MGAT4C: variants seen among roughly 807,000 people sequenced by gnomAD.
The protein encoded by MGAT4C is alpha-1,3-mannosyl-glycoprotein 4-beta-N-acetylglucosaminyltransferase C.
Under a neutral mutation model 40.1 loss-of-function variants are expected in MGAT4C, and 19 were observed. The ratio of observed to expected loss-of-function variants is 0.47; its 90% CI spans 0.33 to 0.70. MGAT4C has a LOEUF of 0.70. Among genes scored for constraint, MGAT4C ranks in the 30% least tolerant of loss-of-function variants. MGAT4C has a pLI of 0.02. For missense variants in MGAT4C, 491 were observed against 563.2 expected (o/e 0.87, Z 1.30); for synonymous variants, 181 against 187.1 (o/e 0.97, Z 0.27).
intron 1 of MGAT4C, among the ~76,000 whole-genome samples, chr12:86,774,345 C>CTTTTCTTTCTTTCTTTCTT (rs1951708548): frequency 2.0e-4 from 3 of 14,904 alleles, no homozygotes; most frequent in Admixed American, 7.1e-4. Context: ...CTTTCTGTCT[C>CTTTTCTTTCTTTCTTTCTT]TCTCTCTCCC....
At chr12:86,705,497 GATGGATCCCAGGTAAAGAAAAAAA>G (rs1258984483) in intron 2 of MGAT4C, among the ~76,000 whole-genome samples, 1 of 151,576 alleles carries the variant, frequency 6.6e-6, no homozygotes, top group Non-Finnish European at 1.5e-5. Flanking sequence ...TGGAGTTTAG[GATGGATCCCAGGTAAAGAAAAAAA>G]ATGGATCCCA....
upstream of MGAT4C, among the ~76,000 whole-genome samples, chr12:86,256,611 C>T (rs2136088936): frequency 6.6e-6 from 1 of 152,142 alleles, no homozygotes; most frequent in South Asian, 2.1e-4. Flanking sequence ...AAATACTGCC[C>T]TCTAATTATG....
intron 1 of MGAT4C, among the ~76,000 whole-genome samples, chr12:86,806,538 A>G (rs1019367614): frequency 6.6e-6 from 1 of 151,852 alleles, no homozygotes; most frequent in African/African-American, 2.4e-5. Flanking sequence ...CTCAAGATTT[A>G]CTGAACAGTT....
At chr12:85,984,760 C>T (rs1188867394) in intron 3 of MGAT4C, among the ~76,000 whole-genome samples, 1 of 151,482 alleles carries the variant, frequency 6.6e-6, no homozygotes, top group African/African-American at 2.4e-5. Flanking sequence ...GTGCACTCTA[C>T]TATGTGGTTT....
chr12:86,035,912 C>G (rs886929610), intron 2 of MGAT4C, among the ~76,000 whole-genome samples: 7 of 149,718 alleles, frequency 4.7e-5, no homozygotes, highest in Admixed American at 4.0e-4. Flanking sequence ...TTTCTAAGGC[C>G]TCTGTTCTCT....
At chr12:86,361,803 T>G (rs564841374) in intron 3 of MGAT4C, among the ~76,000 whole-genome samples, 1 of 152,288 alleles carries the variant, frequency 6.6e-6, no homozygotes, top group Admixed American at 6.5e-5. Context: ...CTCACACCAG[T>G]TAGAATGGCG....
At chr12:86,173,987 A>G (rs1887125064) in intron 1 of MGAT4C, among the ~76,000 whole-genome samples, 1 of 151,944 alleles carries the variant, frequency 6.6e-6, no homozygotes, top group African/African-American at 2.4e-5. Flanking sequence ...AGCTAATGCA[A>G]TGTTGTCACA....
intron 4 of MGAT4C, among the ~76,000 whole-genome samples, chr12:86,265,439 T>A (rs1002802673): frequency 6.6e-6 from 1 of 152,226 alleles, no homozygotes; most frequent in Non-Finnish European, 1.5e-5. Context: ...CCAATGTGTA[T>A]TCTTGTTTAC....
At chr12:86,020,186 C>G (rs990533447) in intron 2 of MGAT4C, among the ~76,000 whole-genome samples, 1 of 152,132 alleles carries the variant, frequency 6.6e-6, no homozygotes, top group African/African-American at 2.4e-5. Flanking sequence ...CCTTTATCTC[C>G]TTCTCCTGCC....
At chr12:86,056,123 T>C (rs1241275646) in intron 1 of MGAT4C, among the ~76,000 whole-genome samples, 5 of 152,188 alleles carry the variant, frequency 3.3e-5, no homozygotes, top group Admixed American at 1.3e-4. Context: ...CTAAAGCCTT[T>C]ACTTTGCCAT....
intron 1 of MGAT4C, among the ~76,000 whole-genome samples, chr12:86,088,719 C>A (rs2135562529): frequency 6.6e-6 from 1 of 151,688 alleles, no homozygotes; most frequent in South Asian, 2.1e-4. Flanking sequence ...GTTAATAGGG[C>A]TACTATTAAA....
intron 1 of MGAT4C, among the ~76,000 whole-genome samples, chr12:86,792,809 T>C (rs1952048081): frequency 6.6e-6 from 1 of 151,982 alleles, no homozygotes; most frequent in Admixed American, 6.6e-5. Flanking sequence ...CGGACACCTG[T>C]AATCCCAACT....
At position 86,168,082 on chromosome 12, in the gene MGAT4C, G is replaced by T. The variant is rs112001257; in HGVS notation, c.-57+88157C>A. Among the ~76,000 whole-genome samples, 495 of 152,210 alleles carry T rather than the reference G, an allele frequency of 3.3e-3. 2 individuals carry two copies. The highest frequency in any genetic ancestry group is 0.012 in the African/African-American group (483 of 41,544). On this transcript the variant is annotated intron_variant, in intron 1 of 4. Transcript: ENST00000611864. ...TGGATTTAAATATTCAAAAGTCAGT[G>T]TTCTCTTTATCAAATATCATTTGTG...
At chr12:86,540,019 A>C (rs1565835892) in intron 2 of MGAT4C, among the ~76,000 whole-genome samples, 1 of 152,066 alleles carries the variant, frequency 6.6e-6, no homozygotes. Flanking sequence ...GAAGCTCTTT[A>C]GTTTAATTAG....
intron 2 of MGAT4C, among the ~76,000 whole-genome samples, chr12:85,996,575 A>G (rs1886644846): frequency 6.6e-6 from 1 of 152,218 alleles, no homozygotes; most frequent in Non-Finnish European, 1.5e-5. Flanking sequence ...GATAAAGACA[A>G]AAAATGAGTT....
At chr12:86,592,486 A>G (rs1961368965) in intron 2 of MGAT4C, among the ~76,000 whole-genome samples, 1 of 152,210 alleles carries the variant, frequency 6.6e-6, no homozygotes, top group Admixed American at 6.5e-5. Context: ...TTTAAAAAAA[A>G]GTATCATCAA....
intron 4 of MGAT4C, among the ~76,000 whole-genome samples, chr12:86,286,038 T>G (rs1953345033): frequency 6.6e-6 from 1 of 152,068 alleles, no homozygotes; most frequent in Non-Finnish European, 1.5e-5. Context: ...AAACGTTTAT[T>G]GTTTCTCTTT....
At chr12:86,832,385 T>G (rs1391459796) in intron 1 of MGAT4C, among the ~76,000 whole-genome samples, 1 of 151,880 alleles carries the variant, frequency 6.6e-6, no homozygotes. Context: ...TTATACCATT[T>G]TGTTCTTTAG....
chr12:86,734,072 T>C (rs7975477), intron 1 of MGAT4C, among the ~76,000 whole-genome samples: 73,022 of 151,876 alleles, frequency 0.48, 17,881 homozygotes, highest in African/African-American at 0.54. Context: ...CAACAAGTTA[T>C]TAATTGGTGA....
Sources: gnomAD v4.1 joint callset for allele counts (sites outside exome capture counted in the v4.1 genomes callset) on GRCh38, gnomAD v4.1.1 for gene constraint, MANE v1.5 for transcripts, NCBI Gene and HGNC (gene_info 2026-07-23, HGNC 2026-07-21) for gene names.